Variants in MIAT observed in about 807,000 individuals in gnomAD.
MIAT encodes the protein myocardial infarction associated transcript, also known as MI related novel mRNA.
intron 2 of MIAT, among the ~76,000 whole-genome samples, chr22:26,654,405 G>A (rs1930388340): frequency 1.3e-5 from 2 of 152,222 alleles, no homozygotes; most frequent in South Asian, 4.1e-4. Flanking sequence ...ACAGTCAGGA[G>A]AATTTGGGAA....
chr22:26,648,571 T>G lies in MIAT; in HGVS notation n.646+1260T>G, dbSNP rs79929309. ...TTGATGGGGTTTTGTTTTTTTTTTT[T>G]GTCTTAATGGAAAATGGGTCATAGA... On this transcript the variant is annotated intron_variant and non_coding_transcript_variant, in intron 2 of 5. Transcript: ENST00000643270. 5.3e-5 allele frequency among the ~76,000 whole-genome samples: 8 copies of G among 150,014 alleles called. No individual in the cohort carries two copies. In the South Asian group the frequency reaches 6.3e-4, roughly 12 times the overall value.
At chr22:26,673,101 T>G (rs1167079942), downstream of MIAT, 1 of 398,506 alleles carries the variant, frequency 2.5e-6, no homozygotes, top group East Asian at 3.6e-5. Context: ...GGGAAGCAGC[T>G]TTACCCCGGG....
At chr22:26,666,980 A>G (rs1399127547) in intron 4 of MIAT, 1 of 398,284 alleles carries the variant, frequency 2.5e-6, no homozygotes, top group African/African-American at 2.1e-5. Context: ...GGGAGGTCAC[A>G]TGGAGCTTGG....
intron 2 of MIAT, among the ~76,000 whole-genome samples, chr22:26,652,195 C>T (rs997805708): frequency 2.0e-5 from 3 of 152,086 alleles, no homozygotes; most frequent in South Asian, 4.2e-4. Flanking sequence ...GCGGTGGAGC[C>T]GGGGGTCGAT....
exon 5 of MIAT, chr22:26,675,989 C>G (rs936993418): frequency 5.0e-6 from 2 of 398,546 alleles, no homozygotes; most frequent in African/African-American, 4.1e-5. Context: ...TGAGCCCAAG[C>G]AGGCACATTC....
chr22:26,656,970 C>G (rs1320522330), intron 2 of MIAT, among the ~76,000 whole-genome samples: 2 of 152,198 alleles, frequency 1.3e-5, no homozygotes, highest in Non-Finnish European at 2.9e-5. Context: ...TGTTGTTAGG[C>G]CAAATGCTGT....
intron 2 of MIAT, among the ~76,000 whole-genome samples, chr22:26,648,931 C>CAGAG (rs60141294): frequency 0.16 from 24,462 of 149,034 alleles, 2,273 homozygotes; most frequent in African/African-American, 0.27. Context: ...GAGAGCGAGA[C>CAGAG]AGAGAGAGAG....
At chr22:26,660,223 G>A (rs923711796) in intron 2 of MIAT, among the ~76,000 whole-genome samples, 4 of 151,418 alleles carry the variant, frequency 2.6e-5, no homozygotes, top group African/African-American at 7.3e-5. Flanking sequence ...TGTAATCCTA[G>A]CACTTTGGGA....
chr22:26,672,754 G>T (rs1178622653), downstream of MIAT: 1 of 398,854 alleles, frequency 2.5e-6, no homozygotes, highest in Non-Finnish European at 4.4e-6. Context: ...GTCAGAAAGC[G>T]GAGCCTTTCT....
At chr22:26,649,029 G>A (rs1369320576) in intron 2 of MIAT, among the ~76,000 whole-genome samples, 3 of 151,880 alleles carry the variant, frequency 2.0e-5, no homozygotes, top group Non-Finnish European at 4.4e-5. Flanking sequence ...TTCACAGGAA[G>A]GAGGAAAAAA....
chr22:26,670,299 T>C (rs1035447161), downstream of MIAT: 1 of 398,198 alleles, frequency 2.5e-6, no homozygotes, highest in Admixed American at 4.4e-5. Flanking sequence ...TTGGGGGAAA[T>C]ATAGGTGAAG....
exon 5 of MIAT, chr22:26,667,188 C>T (rs943398798): frequency 2.3e-5 from 9 of 398,462 alleles, no homozygotes; most frequent in Non-Finnish European, 3.5e-5. Context: ...CATTCAGCAC[C>T]GGCATGGACC....
intron 2 of MIAT, among the ~76,000 whole-genome samples, chr22:26,656,868 C>G (rs551788855): frequency 1.3e-5 from 2 of 152,098 alleles, no homozygotes; most frequent in Non-Finnish European, 2.9e-5. Flanking sequence ...ATGATTGTGC[C>G]GCTGCACTTC....
chr22:26,664,005 C>CTTTT lies in MIAT; in HGVS notation n.729+628_729+631dup, dbSNP rs202155948. 4.5e-4 allele frequency among the ~76,000 whole-genome samples: 52 copies of CTTTT among 116,296 alleles called. 2 individuals carry two copies. The highest frequency in any genetic ancestry group is 1.4e-3 in the African/African-American group (38 of 26,224). 76.3% of individuals were successfully genotyped at this position (116,296 alleles called of 152,430 possible). A position where few individuals can be genotyped will look rare whatever the true frequency, so the allele number is the denominator to read the frequency against. On this transcript the variant is annotated intron_variant and non_coding_transcript_variant, in intron 3 of 5. Coordinates refer to ENST00000643270, the Ensembl canonical transcript of MIAT. ...TATATATGGAAGCTTCTGTGTTCAGCTTTTTTTTTTTTTTTTTTTTTTTTG... is the reference window on the plus strand; with the variant it reads ...TATATATGGAAGCTTCTGTGTTCAGCTTTTTTTTTTTTTTTTTTTTTTTTTTTTG...
At chr22:26,647,846 G>A (rs560461349) in intron 2 of MIAT, among the ~76,000 whole-genome samples, 2 of 152,090 alleles carry the variant, frequency 1.3e-5, no homozygotes, top group East Asian at 1.9e-4. Context: ...ATGACTTGGC[G>A]GAATGTTCCA....
intron 2 of MIAT, among the ~76,000 whole-genome samples, chr22:26,658,828 G>C (rs1930554194): frequency 6.6e-6 from 1 of 152,186 alleles, no homozygotes; most frequent in Admixed American, 6.5e-5. Flanking sequence ...TTGAGGGAAC[G>C]GCTTTGTTTT....
downstream of MIAT, chr22:26,672,212 C>T (rs917771252): frequency 2.8e-5 from 11 of 399,214 alleles, no homozygotes; most frequent in Admixed American, 4.4e-4. Flanking sequence ...ACCCTGTTTT[C>T]TCTTCTTACT....
chr22:26,669,953 G>C (rs1281628550), downstream of MIAT: 3 of 398,598 alleles, frequency 7.5e-6, no homozygotes, highest in Non-Finnish European at 1.3e-5. Context: ...GTCAGGTGCA[G>C]GGAGAATTCA....
rs1257423877 is a variant in MIAT, at chr22:26,675,899, G to A, written n.9567G>A. ...TTTTGTTCCCAGAGGCAGAAGGATT[G>A]GGACTAGGCCAACATAGAGATTGGC... On this transcript the variant is annotated non_coding_transcript_exon_variant, in exon 5 of 5. Transcript: ENST00000613780. The A allele has an allele frequency of 1.0e-5, 4 of 398,656 alleles. No individual in the cohort carries two copies. The Admixed American group carries it at 1.8e-4, about 18-fold the overall frequency. The allele number at this position is 398,656 out of a possible 1,614,324, so 24.7% of individuals were successfully genotyped here. A position where few individuals can be genotyped will look rare whatever the true frequency, so the allele number is the denominator to read the frequency against.
Sources: allele counts gnomAD v4.1 joint callset (sites outside exome capture counted in the v4.1 genomes callset), GRCh38; gene constraint gnomAD v4.1.1; transcripts MANE v1.5; gene names NCBI Gene and HGNC (gene_info 2026-07-23, HGNC 2026-07-21).